Variants in HDAC11 observed in about 807,000 individuals in gnomAD.
The protein encoded by HDAC11 is histone deacetylase 11.
Under a neutral mutation model 41.1 loss-of-function variants are expected in HDAC11, and 23 were observed. The observed-to-expected ratio is 0.56, with a 90% CI of 0.40 to 0.79. The LOEUF is 0.79. Among genes scored for constraint, HDAC11 ranks in the 30% least tolerant of loss-of-function variants. HDAC11 has a pLI of 0.00. For missense variants in HDAC11, 402 were observed against 477.3 expected, an observed-to-expected ratio of 0.84 and a Z score of 1.47; for synonymous variants, 187 against 186.6, an observed-to-expected ratio of 1.00 and a Z score of -0.02.
intron 3 of HDAC11, among the ~76,000 whole-genome samples, chr3:13,490,744 CTTTTTTTTTTTTTT>C (rs59531656): frequency 2.4e-5 from 1 of 41,404 alleles, no homozygotes; most frequent in East Asian, 8.9e-4. Flanking sequence ...GCATTTTTTT[CTTTTTTTTTTTTTT>C]TTTTTTTTTT....
At chr3:13,500,583 C>T in intron 5 of HDAC11, 130 bp from the exon 6 acceptor site, 1 of 738,942 alleles carries the variant, frequency 1.4e-6, no homozygotes, top group Non-Finnish European at 2.3e-6. Context: ...GTTTGCCAAC[C>T]CAGAGTCCGA....
At position 13,502,245 on chromosome 3, in the gene HDAC11, T is replaced by C. The variant is rs951866907; in HGVS notation, c.552+312T>C. On this transcript the variant is annotated intron_variant, in intron 7 of 9. Coordinates refer to ENST00000295757, the MANE Select transcript of HDAC11 (RefSeq NM_024827.4). This position sits in a 1 kb window ranked among gnomAD's most constrained non-coding sequence, Gnocchi z 4.1. ...TGGGTCCCCATTGCTTATGAATAAT[T>C]TGGGGCACTGCCCCCTGCCCAGAGC... 16 of 345,166 alleles carry C rather than the reference T, an allele frequency of 4.6e-5. No homozygotes were observed. The highest frequency in any genetic ancestry group is 8.0e-5 in the Non-Finnish European group (15 of 188,554). The allele number at this position is 345,166 out of a possible 1,614,324, so 21.4% of individuals were successfully genotyped here.
At chr3:13,484,837 C>A (rs906128023) in intron 3 of HDAC11, among the ~76,000 whole-genome samples, 3 of 152,128 alleles carry the variant, frequency 2.0e-5, no homozygotes, top group Admixed American at 1.3e-4. Flanking sequence ...CTGAGGCATT[C>A]AGTTCAGTGC....
intron 3 of HDAC11, among the ~76,000 whole-genome samples, chr3:13,496,287 C>T (rs1033210078): frequency 2.0e-5 from 3 of 152,216 alleles, no homozygotes; most frequent in Non-Finnish European, 4.4e-5. Flanking sequence ...CCAGGGCTCC[C>T]GTCCCAGCTC....
rs759448449 is a variant in HDAC11, at chr3:13,480,760, C to A, written c.2+411C>A. ...AGCGGGGTCAGGGGATCCCCGCCCCCCGCCCTGGCTCAGGTTGGGTCCCGA... is the reference window on the plus strand; with the variant it reads ...AGCGGGGTCAGGGGATCCCCGCCCCACGCCCTGGCTCAGGTTGGGTCCCGA... On this transcript the variant is annotated intron_variant, in intron 1 of 9. Coordinates refer to ENST00000295757, the MANE Select transcript of HDAC11 (RefSeq NM_024827.4). This position sits in a 1 kb window ranked among gnomAD's most constrained non-coding sequence, Gnocchi z 4.6. 27 of 471,452 alleles carry A rather than the reference C, an allele frequency of 5.7e-5. No individual in the cohort carries two copies. The highest frequency in any genetic ancestry group is 6.3e-4 in the Middle Eastern group (2 of 3,162). 29.2% of individuals were successfully genotyped at this position (471,452 alleles called of 1,614,324 possible).
rs1702385815 is a variant in HDAC11 at position 13,501,934 on chromosome 3, G to A, written c.552+1G>A. On this transcript the variant is annotated splice_donor_variant, in intron 7 of 9. Transcript: ENST00000295757. LOFTEE classifies it high-confidence loss of function. ...CATCATTGATCTTGATGCCCATCAG[G>A]TGAGTGCCCTGCAGGGGCTGGACTC... The A allele has an allele frequency of 6.2e-7, 1 of 1,613,660 alleles. No homozygotes were observed. The highest frequency in any genetic ancestry group is 1.7e-5 in the Admixed American group (1 of 59,992).
Position 13,481,292 on chromosome 3 carries a change from C to T in HDAC11, c.49C>T (p.Pro17Ser). ...CCAGCATGTGCCAGAGACACGCTGG[C>T]CAATCGTGTACTCGCCGCGCTACAA... ...LYQHVPETRW[P>S]IVYSPRYNIT... The change falls in exon 2 of 10, where the codon CCA becomes TCA. Residue 17 changes from proline (P) to serine (S), a missense_variant. Transcript: ENST00000295757. The T allele has an allele frequency of 6.2e-7, 1 of 1,612,936 alleles. No homozygotes were observed. The highest frequency in any genetic ancestry group is 1.7e-5 in the Admixed American group (1 of 60,028).
Position 13,502,766 on chromosome 3 carries a change from C to G in HDAC11, c.553-118C>G, listed in dbSNP as rs545542659. ...TAACAGTCATGAGACCTGCTGCCCC[C>G]GAGAGCAGGCCGTGCTGCCCTGGCA... On this transcript the variant is annotated intron_variant, in intron 7 of 9. Coordinates refer to ENST00000295757, the MANE Select transcript of HDAC11 (RefSeq NM_024827.4). This position sits in a 1 kb window ranked among gnomAD's most constrained non-coding sequence, Gnocchi z 4.1. 2.8e-6 allele frequency: 2 copies of G among 717,392 alleles called. No individual in the cohort carries two copies. The highest frequency in any genetic ancestry group is 4.3e-5 in the Admixed American group (2 of 46,526). 44.4% of individuals were successfully genotyped at this position (717,392 alleles called of 1,614,324 possible). A position where few individuals can be genotyped will look rare whatever the true frequency, so the allele number is the denominator to read the frequency against.
intron 3 of HDAC11, among the ~76,000 whole-genome samples, chr3:13,491,571 C>T (rs769909311): frequency 3.9e-5 from 6 of 152,114 alleles, no homozygotes; most frequent in Non-Finnish European, 7.4e-5. Context: ...TCCCTGAGAG[C>T]AGTTCTTGGT....
At chr3:13,488,014 G>A (rs986766842) in intron 3 of HDAC11, among the ~76,000 whole-genome samples, 3 of 151,358 alleles carry the variant, frequency 2.0e-5, no homozygotes, top group Non-Finnish European at 4.4e-5. Context: ...GTGAGGGAGT[G>A]GGTGATGTGG....
chr3:13,500,084 G>T (rs560046339), intron 5 of HDAC11, among the ~76,000 whole-genome samples: 1 of 152,150 alleles, frequency 6.6e-6, no homozygotes, highest in Non-Finnish European at 1.5e-5. Context: ...TAGCCTCCTG[G>T]GGGGTGGGAG....
Position 13,504,709 on chromosome 3 carries a change from G to T in HDAC11, c.*26G>T, listed in dbSNP as rs762673737. 6.3e-7 allele frequency: 1 copy of T among 1,592,878 alleles called. No individual in the cohort carries two copies. The highest frequency in any genetic ancestry group is 1.1e-5 in the South Asian group (1 of 90,644). On this transcript the variant is annotated 3_prime_UTR_variant, in exon 10 of 10. Coordinates refer to ENST00000295757, the MANE Select transcript of HDAC11 (RefSeq NM_024827.4). ...CCCTTGCTGCCCTGCCTGTCACGTGGCCCTGCCTATCCGCCCCTTAGTGCT... is the reference window on the plus strand; with the variant it reads ...CCCTTGCTGCCCTGCCTGTCACGTGTCCCTGCCTATCCGCCCCTTAGTGCT...
Position 13,496,724 on chromosome 3 carries a change from C to T in HDAC11, c.253-12C>T. Reference sequence around the variant, plus strand: ...GGAAGCGGAGGCCAACAGCCCCTGTCTTTTTCCGCAGTGGTCCTTTGCTGT... The same window carrying T: ...GGAAGCGGAGGCCAACAGCCCCTGTTTTTTTCCGCAGTGGTCCTTTGCTGT... On this transcript the variant is annotated splice_polypyrimidine_tract_variant and intron_variant, in intron 3 of 9. Transcript: ENST00000295757. 1 of 1,574,012 alleles carries T rather than the reference C, an allele frequency of 6.4e-7. No homozygotes were observed. Among genetic ancestry groups the T allele is most frequent in the Non-Finnish European group, 8.7e-7 (1 of 1,152,594 alleles).
chr3:13,487,794 C>A (rs1184912055), intron 3 of HDAC11, among the ~76,000 whole-genome samples: 1 of 152,132 alleles, frequency 6.6e-6, no homozygotes, highest in Admixed American at 6.5e-5. Context: ...ACATCCCTTT[C>A]CTGCTGGAGC....
intron 3 of HDAC11, among the ~76,000 whole-genome samples, chr3:13,493,736 C>T (rs1701967204): frequency 6.6e-6 from 1 of 152,238 alleles, no homozygotes; most frequent in Non-Finnish European, 1.5e-5. Context: ...AGGGGCTCGT[C>T]TCGCCAACGT....
At chr3:13,494,026 A>G (rs1701978921) in intron 3 of HDAC11, among the ~76,000 whole-genome samples, 1 of 152,244 alleles carries the variant, frequency 6.6e-6, no homozygotes, top group Admixed American at 6.5e-5. Context: ...AACTTCTCAG[A>G]GCCTTTAGCA....
rs1009110410 is a variant in HDAC11, at chr3:13,498,562, G to C, written c.412+7G>C. The C allele has an allele frequency of 6.2e-7, 1 of 1,613,982 alleles. No individual in the cohort carries two copies. The highest frequency in any genetic ancestry group is 8.5e-7 in the Non-Finnish European group (1 of 1,179,974). Reference sequence around the variant, plus strand: ...GGCTGGGCCATCAACGTGGGTGAGTGCTGGGAATGTCCTCGGGAATGTCCA... The same window carrying C: ...GGCTGGGCCATCAACGTGGGTGAGTCCTGGGAATGTCCTCGGGAATGTCCA... On this transcript the variant is annotated splice_region_variant and intron_variant, in intron 5 of 9. Coordinates refer to ENST00000295757, the MANE Select transcript of HDAC11 (RefSeq NM_024827.4).
chr3:13,481,841 G>A (rs568526886), intron 2 of HDAC11, among the ~76,000 whole-genome samples: 1 of 152,148 alleles, frequency 6.6e-6, no homozygotes. Context: ...CAGCCCTCGG[G>A]GTAGGCACCA....
chr3:13,486,569 GTGTTT>G (rs1469841253), intron 3 of HDAC11, among the ~76,000 whole-genome samples: 1 of 123,484 alleles, frequency 8.1e-6, no homozygotes, highest in African/African-American at 3.7e-5. Flanking sequence ...TCATGTAGAG[GTGTTT>G]TTTTTTTTTT....
Sources: allele counts gnomAD v4.1 joint callset (sites outside exome capture counted in the v4.1 genomes callset), GRCh38; gene constraint gnomAD v4.1.1; non-coding constraint Gnocchi (gnomAD v3.1); transcripts MANE v1.5; gene names NCBI Gene and HGNC (gene_info 2026-07-23, HGNC 2026-07-21).